Variants in KCNQ1 observed in about 807,000 individuals in gnomAD.
KCNQ1 encodes the protein potassium voltage-gated channel subfamily KQT member 1.
A neutral mutation model predicts 72.4 loss-of-function variants in KCNQ1; 49 were observed. The observed-to-expected ratio is 0.68, with a 90% CI of 0.54 to 0.86. KCNQ1 has a LOEUF of 0.86. KCNQ1 is among the 40% of genes least tolerant of loss of function. KCNQ1 has a pLI of 0.00. For synonymous variants in KCNQ1, 450 were observed against 412.6 expected (o/e 1.09, Z -1.10); for missense variants, 790 against 945.1 (o/e 0.84, Z 2.15).
At chr11:2,585,160 C>G in intron 7 of KCNQ1, 52 bp from the exon 8 acceptor site, 2 of 1,508,568 alleles carry the variant, frequency 1.3e-6, no homozygotes, top group African/African-American at 1.4e-5. Context: ...GAGGCTGCAC[C>G]CAGCTGGCAG....
At chr11:2,770,154 C>T (rs2237883) in intron 12 of KCNQ1, among the ~76,000 whole-genome samples, 2,529 of 152,288 alleles carry the variant, frequency 0.017, 113 homozygotes, top group East Asian at 0.13. Flanking sequence ...CCACACCTTC[C>T]ACTCCAGGCC....
intron 2 of KCNQ1, among the ~76,000 whole-genome samples, chr11:2,557,999 A>G (rs1017667687): frequency 6.6e-6 from 1 of 152,230 alleles, no homozygotes; most frequent in African/African-American, 2.4e-5. Context: ...TCAAAACCCA[A>G]TATCATGAGA....
intron 1 of KCNQ1, among the ~76,000 whole-genome samples, chr11:2,469,642 TC>T (rs2133594371): frequency 6.6e-6 from 1 of 152,024 alleles, no homozygotes; most frequent in Non-Finnish European, 1.5e-5. Flanking sequence ...CCTTCCCTTA[TC>T]CCTTGCTAGT....
In KCNQ1 at chr11:2,509,522, G is replaced by A. The variant is rs763803664; in HGVS notation, c.387-18406G>A. On this transcript the variant is annotated intron_variant, in intron 1 of 15. Transcript: ENST00000155840. This position sits in a 1 kb window ranked among gnomAD's most constrained non-coding sequence, Gnocchi z 6.3. ...GAGACAGAGGAAGGCAGGGCAGCCTGCTCAGAGGATGAGCCCAGCTATTCT... is the reference window on the plus strand; with the variant it reads ...GAGACAGAGGAAGGCAGGGCAGCCTACTCAGAGGATGAGCCCAGCTATTCT... Among the ~76,000 whole-genome samples the A allele has an allele frequency of 4.4e-4, 67 of 152,322 alleles. No homozygotes were observed. Among genetic ancestry groups the A allele is most frequent in the Admixed American group, 2.7e-3 (41 of 15,304 alleles).
chr11:2,630,372 C>A (rs55759353), intron 10 of KCNQ1: 1 of 397,898 alleles, frequency 2.5e-6, no homozygotes, highest in Non-Finnish European at 4.4e-6. Context: ...CAGTTATTTT[C>A]TTTTCTTATA....
Position 2,698,645 on chromosome 11 carries a change from T to A in KCNQ1, c.1514+36564T>A, listed in dbSNP as rs184132449. ...ACCCCACTGAGACCTCTAACCCCAA[T>A]CCCAATCTCTTAACTCAGAGCCCCC... On this transcript the variant is annotated intron_variant, in intron 11 of 15. Transcript: ENST00000155840. The surrounding 1 kb of genome is among the most constrained non-coding windows in gnomAD (Gnocchi z 5.1). The A allele has an allele frequency of 3.7e-4, 149 of 397,614 alleles. No individual in the cohort carries two copies. Among genetic ancestry groups the A allele is most frequent in the African/African-American group, 2.6e-3 (126 of 48,276 alleles). The allele number at this position is 397,614 out of a possible 1,614,324, so 24.6% of individuals were successfully genotyped here.
intron 1 of KCNQ1, among the ~76,000 whole-genome samples, chr11:2,456,795 C>G (rs1441471582): frequency 1.4e-3 from 191 of 134,590 alleles, no homozygotes; most frequent in African/African-American, 4.8e-3. Context: ...AAAAATTAGC[C>G]GGGCGTGGGG....
At chr11:2,814,467 T>C (rs1368639802) in intron 15 of KCNQ1, among the ~76,000 whole-genome samples, 1 of 149,848 alleles carries the variant, frequency 6.7e-6, no homozygotes, top group African/African-American at 2.5e-5. Context: ...GATGGATGGA[T>C]GAGTGGTGAA....
intron 10 of KCNQ1, chr11:2,609,439 C>T (rs1239702586): frequency 5.0e-6 from 2 of 398,292 alleles, no homozygotes; most frequent in Admixed American, 4.4e-5. Flanking sequence ...CGTGACTTAG[C>T]ATATGGTCCT....
At chr11:2,847,289 C>T (rs748687013) in intron 15 of KCNQ1, among the ~76,000 whole-genome samples, 11 of 152,200 alleles carry the variant, frequency 7.2e-5, no homozygotes, top group African/African-American at 2.4e-4. Flanking sequence ...GTCCAGTTCT[C>T]CTCCAGACAC....
At chr11:2,760,155 T>G (rs987288963) in intron 11 of KCNQ1, among the ~76,000 whole-genome samples, 5 of 152,008 alleles carry the variant, frequency 3.3e-5, no homozygotes, top group Admixed American at 2.6e-4. Flanking sequence ...TGGGCAGCAC[T>G]GGGGGCTCCT....
chr11:2,648,474 A>G, intron 10 of KCNQ1: 1 of 398,300 alleles, frequency 2.5e-6, no homozygotes, highest in African/African-American at 2.1e-5. Flanking sequence ...CTGTGTTTCT[A>G]TTTTCATTTG....
At chr11:2,584,663 G>A (rs912803333) in intron 7 of KCNQ1, among the ~76,000 whole-genome samples, 1 of 151,898 alleles carries the variant, frequency 6.6e-6, no homozygotes, top group African/African-American at 2.4e-5. Context: ...GTGTGTTAGT[G>A]TGTGGGTTAG....
intron 1 of KCNQ1, among the ~76,000 whole-genome samples, chr11:2,470,906 C>T (rs1359196542): frequency 1.3e-5 from 2 of 152,184 alleles, no homozygotes; most frequent in Non-Finnish European, 2.9e-5. Flanking sequence ...TCTCAGAAAT[C>T]TTTCCCTAAA....
chr11:2,806,575 G>A (rs1048733730), intron 15 of KCNQ1, among the ~76,000 whole-genome samples: 6 of 152,182 alleles, frequency 3.9e-5, no homozygotes, highest in African/African-American at 1.4e-4. Context: ...GCTCCCCACC[G>A]AGCAGCTGGG....
rs1212309720 is a variant in KCNQ1 at position 2,508,081 on chromosome 11, C to G, written c.387-19847C>G. 1.3e-5 allele frequency among the ~76,000 whole-genome samples: 2 copies of G among 152,124 alleles called. No homozygotes were observed. Among genetic ancestry groups the G allele is most frequent in the Non-Finnish European group, 2.9e-5 (2 of 68,014 alleles). ...CTCAGACACAAACACCCAGCTCGGC[C>G]CCACAGAGCTGGCCTGGGCCCCAGC... On this transcript the variant is annotated intron_variant, in intron 1 of 15. Transcript: ENST00000155840. The surrounding 1 kb of genome is among the most constrained non-coding windows in gnomAD (Gnocchi z 6.2).
chr11:2,807,457 T>G (rs1321126614), intron 15 of KCNQ1, among the ~76,000 whole-genome samples: 4 of 152,056 alleles, frequency 2.6e-5, no homozygotes, highest in African/African-American at 9.7e-5. Flanking sequence ...GCCCCCCCAC[T>G]CCGGGCCCGG....
At chr11:2,532,997 C>T (rs1847666708) in intron 2 of KCNQ1, among the ~76,000 whole-genome samples, 1 of 152,124 alleles carries the variant, frequency 6.6e-6, no homozygotes, top group Non-Finnish European at 1.5e-5. Flanking sequence ...GAGCTGCTGG[C>T]ACCCGCCAAG....
rs1942309193 is a variant in KCNQ1, at chr11:2,837,729, C to T, written c.1795-10038C>T. Among the ~76,000 whole-genome samples the T allele has an allele frequency of 4.6e-5, 7 of 152,166 alleles. No homozygotes were observed. In the South Asian group the frequency reaches 1.4e-3, roughly 31 times the overall value. ...CTGGAGAATGAGAAGGGTCTGGAGG[C>T]TAAGGAGAGGGGTGGATGCTCCAGG... On this transcript the variant is annotated intron_variant, in intron 15 of 15. Transcript: ENST00000155840.
Sources: allele counts gnomAD v4.1 joint callset (sites outside exome capture counted in the v4.1 genomes callset), GRCh38; gene constraint gnomAD v4.1.1; non-coding constraint Gnocchi (gnomAD v3.1); transcripts MANE v1.5; gene names NCBI Gene and HGNC (gene_info 2026-07-23, HGNC 2026-07-21).